The following ARHGEF38 variants were observed in gnomAD, a reference collection of about 807,000 sequenced individuals.
ARHGEF38 encodes the protein Rho guanine nucleotide exchange factor 38.
ARHGEF38 carries 79 observed loss-of-function variants against 79.9 expected under a neutral mutation model. That is an observed-to-expected ratio of 0.99 (90% confidence interval 0.82 to 1.19). ARHGEF38 has a LOEUF of 1.19. ARHGEF38 is among the 50% of genes most tolerant of loss of function. ARHGEF38 has a pLI of 0.00. For missense variants in ARHGEF38, 962 were observed against 907.2 expected (o/e 1.06, Z -0.78); for synonymous variants, 366 against 328.3 (o/e 1.11, Z -1.24).
Position 105,667,150 on chromosome 4 carries a change from G to T in ARHGEF38, c.1711G>T (p.Asp571Tyr). 1 of 1,533,930 alleles carries T rather than the reference G, an allele frequency of 6.5e-7. No homozygotes were observed. The highest frequency in any genetic ancestry group is 1.2e-5 in the South Asian group (1 of 83,664). Residue 571 changes from aspartate to tyrosine, a missense_variant, in exon 12 of 14, where the codon GAC (aspartate) becomes TAC (tyrosine). Coordinates refer to ENST00000420470, the MANE Select transcript of ARHGEF38 (RefSeq NM_001242729.2). ...CCAGCCAGAAATGCCACATCAAACT[G>T]ACATTCATCGCTCCAAACTTCTATC... is the stretch of plus-strand genomic sequence containing the variant. ...QILPEMPHQT[D>Y]IHRSKLLSTY...
intron 1 of ARHGEF38, among the ~76,000 whole-genome samples, chr4:105,574,271 G>A (rs948064843): frequency 1.3e-5 from 2 of 152,212 alleles, no homozygotes; most frequent in African/African-American, 2.4e-5. Context: ...GCAAAGACCG[G>A]GTGCGGTGGC....
At chr4:105,617,091 G>T (rs935914088) in intron 3 of ARHGEF38, among the ~76,000 whole-genome samples, 1 of 152,128 alleles carries the variant, frequency 6.6e-6, no homozygotes, top group Non-Finnish European at 1.5e-5. Flanking sequence ...CAGATGAATC[G>T]AATAATAGTT....
intron 3 of ARHGEF38, among the ~76,000 whole-genome samples, chr4:105,619,494 G>T (rs1728650361): frequency 6.6e-6 from 1 of 152,020 alleles, no homozygotes; most frequent in South Asian, 2.1e-4. Context: ...TTTAAGTTTT[G>T]GAGTGATTCT....
chr4:105,602,410 T>G (rs1451177461), intron 2 of ARHGEF38, among the ~76,000 whole-genome samples: 2 of 152,148 alleles, frequency 1.3e-5, no homozygotes, highest in Non-Finnish European at 2.9e-5. Flanking sequence ...AAACACGTTT[T>G]AGGAAGACTA....
Position 105,570,871 on chromosome 4 carries a change from CA to C in ARHGEF38, c.196+17912del, listed in dbSNP as rs376540006. On this transcript the variant is annotated intron_variant, in intron 1 of 13. Transcript: ENST00000420470. ...CAATGAACCTTGAGGAAACATGATA[CA>C]ACACAGATGAACCTTGATTACATTC... Among the ~76,000 whole-genome samples the C allele has an allele frequency of 6.9e-4, 105 of 152,210 alleles. No homozygotes were observed. The East Asian group carries it at 0.019, about 27-fold the overall frequency.
intron 2 of ARHGEF38, among the ~76,000 whole-genome samples, chr4:105,609,583 T>C (rs1387071644): frequency 6.6e-6 from 1 of 152,036 alleles, no homozygotes; most frequent in Admixed American, 6.6e-5. Flanking sequence ...CAATGACGTG[T>C]TTCATAGAAA....
intron 3 of ARHGEF38, among the ~76,000 whole-genome samples, chr4:105,615,599 A>G (rs901164553): frequency 1.3e-5 from 2 of 152,216 alleles, no homozygotes; most frequent in Non-Finnish European, 2.9e-5. Context: ...CATTCAGTCC[A>G]CTTTAGCATT....
intron 2 of ARHGEF38, among the ~76,000 whole-genome samples, chr4:105,592,957 T>C (rs1727409266): frequency 6.6e-6 from 1 of 152,158 alleles, no homozygotes; most frequent in Non-Finnish European, 1.5e-5. Context: ...AAGGTTTTAC[T>C]CCAGTCTGTG....
rs768061265 is a variant in ARHGEF38 at position 105,632,060 on chromosome 4, G to A, written c.656+1015G>A. Among the ~76,000 whole-genome samples, 31 of 152,118 alleles carry A rather than the reference G, an allele frequency of 2.0e-4. 1 individual carries two copies. Among genetic ancestry groups the A allele is most frequent in the Non-Finnish European group, 1.0e-4 (7 of 68,022 alleles). ...GGATGGGGATGGGGATCCTAACGTG[G>A]TACAAGAGGTTTTTAGCTGCACTAA... On this transcript the variant is annotated intron_variant, in intron 4 of 13. Coordinates refer to ENST00000420470, the MANE Select transcript of ARHGEF38 (RefSeq NM_001242729.2).
intron 1 of ARHGEF38, among the ~76,000 whole-genome samples, chr4:105,557,935 G>A (rs1455295321): frequency 6.6e-6 from 1 of 152,232 alleles, no homozygotes; most frequent in East Asian, 1.9e-4. Context: ...AACACCAGGT[G>A]AAAAGGTGAG....
At chr4:105,553,082 C>A in intron 1 of ARHGEF38, 121 bp downstream of exon 1, 1 of 702,214 alleles carries the variant, frequency 1.4e-6, no homozygotes, top group Non-Finnish European at 2.3e-6. Flanking sequence ...CTCTCCTTCC[C>A]ACAAAATAAG....
At chr4:105,573,984 T>A (rs367769812) in intron 1 of ARHGEF38, among the ~76,000 whole-genome samples, 130 of 152,306 alleles carry the variant, frequency 8.5e-4, no homozygotes, top group African/African-American at 3.1e-3. Flanking sequence ...CTACTGTGAA[T>A]GGAAACACTT....
At chr4:105,620,537 A>AT (rs1728696436) in intron 3 of ARHGEF38, among the ~76,000 whole-genome samples, 1 of 152,058 alleles carries the variant, frequency 6.6e-6, no homozygotes, top group Non-Finnish European at 1.5e-5. Context: ...AAAATGCCTG[A>AT]TTTTTTCTGT....
chr4:105,667,763 GTACTC>G, intron 13 of ARHGEF38, 60 bp downstream of exon 13: 2 of 1,516,378 alleles, frequency 1.3e-6, no homozygotes, highest in Non-Finnish European at 8.8e-7. Flanking sequence ...TCTCTCTACT[GTACTC>G]TATAATACTG....
chr4:105,642,233 G>C (rs569009557), intron 5 of ARHGEF38, among the ~76,000 whole-genome samples: 31 of 152,176 alleles, frequency 2.0e-4, no homozygotes, highest in African/African-American at 7.5e-4. Context: ...GATATTGCTT[G>C]TCTGTGCGAT....
chr4:105,600,064 T>C (rs1447632768), intron 2 of ARHGEF38, among the ~76,000 whole-genome samples: 1 of 152,200 alleles, frequency 6.6e-6, no homozygotes, highest in Non-Finnish European at 1.5e-5. Flanking sequence ...TGTGATATTT[T>C]AGTTGAATAT....
intron 10 of ARHGEF38, among the ~76,000 whole-genome samples, chr4:105,665,367 C>A (rs905493829): frequency 6.6e-6 from 1 of 151,580 alleles, no homozygotes; most frequent in African/African-American, 2.4e-5. Flanking sequence ...CGTGGTGATG[C>A]GTGGCTATAA....
intron 1 of ARHGEF38, among the ~76,000 whole-genome samples, chr4:105,569,238 T>C (rs1472522109): frequency 6.6e-6 from 1 of 152,202 alleles, no homozygotes; most frequent in East Asian, 1.9e-4. Context: ...GGGTAAATGA[T>C]TCAGATTTTT....
chr4:105,663,366 T>A lies in ARHGEF38; in HGVS notation c.1546-2811T>A, dbSNP rs201811948. The stretch of plus-strand genomic sequence containing the variant: ...ATTATAAGAATTTTTAAGTGTACAT[T>A]TCAGTAGTGTTAAGTATACTTATAT... On this transcript the variant is annotated intron_variant, in intron 10 of 13. Transcript: ENST00000420470. Among the ~76,000 whole-genome samples the A allele has an allele frequency of 4.7e-4, 72 of 152,298 alleles. 2 individuals are homozygous for A. The South Asian group carries it at 0.014, about 30-fold the overall frequency.
Sources: gnomAD v4.1 joint callset for allele counts (sites outside exome capture counted in the v4.1 genomes callset) on GRCh38, gnomAD v4.1.1 for gene constraint, MANE v1.5 for transcripts, NCBI Gene and HGNC (gene_info 2026-07-23, HGNC 2026-07-21) for gene names.